Variants in ZNF407 observed in about 807,000 individuals in gnomAD.
The protein encoded by ZNF407 is zinc finger protein 407.
Under a neutral mutation model 131.2 loss-of-function variants are expected in ZNF407, and 17 were observed. The ratio of observed to expected loss-of-function variants is 0.13; its 90% CI spans 0.09 to 0.19. The LOEUF (loss-of-function observed/expected upper bound fraction) is 0.19, where lower values mean the gene tolerates loss of function less well. ZNF407 is among the 10% of genes least tolerant of loss of function. ZNF407 has a pLI of 1.00. For synonymous variants in ZNF407, 1,156 were observed against 1,062.0 expected (o/e 1.09, Z -1.72); for missense variants, 2,681 against 2,830.6 (o/e 0.95, Z 1.20).
intron 3 of ZNF407, among the ~76,000 whole-genome samples, chr18:74,692,862 G>A (rs1967260851): frequency 1.3e-5 from 2 of 152,146 alleles, no homozygotes; most frequent in South Asian, 2.1e-4. Flanking sequence ...TTCGAGTGTG[G>A]TTGCCCTTCT....
chr18:74,602,206 G>A (rs536471395), intron 1 of ZNF407, among the ~76,000 whole-genome samples: 35 of 152,330 alleles, frequency 2.3e-4, no homozygotes, highest in Admixed American at 2.3e-3. Flanking sequence ...TGATGGCGGT[G>A]TAGGAGTGTA....
intron 3 of ZNF407, among the ~76,000 whole-genome samples, chr18:74,663,563 T>C (rs1275966346): frequency 6.6e-6 from 1 of 152,164 alleles, no homozygotes; most frequent in Non-Finnish European, 1.5e-5. Context: ...ATATTACGTG[T>C]GGGGAACTGG....
chr18:74,768,299 C>T (rs999061475), intron 3 of ZNF407, among the ~76,000 whole-genome samples: 1 of 152,120 alleles, frequency 6.6e-6, no homozygotes, highest in African/African-American at 2.4e-5. Context: ...ATTCCTAGAT[C>T]CCTCTTAGAC....
intron 4 of ZNF407, among the ~76,000 whole-genome samples, chr18:74,859,974 A>G (rs1202958949): frequency 6.6e-6 from 1 of 152,176 alleles, no homozygotes; most frequent in African/African-American, 2.4e-5. Flanking sequence ...AAGATATTCA[A>G]TACTCCCTTC....
intron 1 of ZNF407, among the ~76,000 whole-genome samples, chr18:74,601,296 T>A (rs758241790): frequency 6.6e-6 from 1 of 150,564 alleles, no homozygotes; most frequent in Non-Finnish European, 1.5e-5. Flanking sequence ...CCTTGGTTCC[T>A]TCAGTTAGTT....
At chr18:74,846,993 C>CAA (rs34570082) in intron 4 of ZNF407, among the ~76,000 whole-genome samples, 6 of 148,040 alleles carry the variant, frequency 4.1e-5, no homozygotes, top group Admixed American at 1.3e-4. Flanking sequence ...GACTTAGTCT[C>CAA]AAAAAAAAAA....
At chr18:74,910,369 A>G (rs773483764) in intron 7 of ZNF407, among the ~76,000 whole-genome samples, 34 of 152,108 alleles carry the variant, frequency 2.2e-4, no homozygotes, top group Non-Finnish European at 4.0e-4. Flanking sequence ...GCTTGCTTAT[A>G]TTTTATAGAT....
chr18:74,750,955 G>A (rs1409097811), intron 3 of ZNF407, among the ~76,000 whole-genome samples: 1 of 152,024 alleles, frequency 6.6e-6, no homozygotes, highest in Non-Finnish European at 1.5e-5. Flanking sequence ...AACTTTTTAT[G>A]TGCTTTATAT....
intron 4 of ZNF407, among the ~76,000 whole-genome samples, chr18:74,841,248 T>C (rs1409647015): frequency 6.6e-6 from 1 of 152,220 alleles, no homozygotes; most frequent in East Asian, 1.9e-4. Context: ...TTTCGTAGGC[T>C]GAAATGGGCC....
At chr18:74,900,097 A>G (rs982185572) in intron 7 of ZNF407, among the ~76,000 whole-genome samples, 1 of 152,234 alleles carries the variant, frequency 6.6e-6, no homozygotes, top group Non-Finnish European at 1.5e-5. Context: ...TGTCCATTGA[A>G]ACCGTGAGGC....
chr18:74,650,880 A>G (rs563418102), intron 3 of ZNF407, among the ~76,000 whole-genome samples: 18 of 152,308 alleles, frequency 1.2e-4, no homozygotes, highest in African/African-American at 4.3e-4. Flanking sequence ...ATTGAGAACT[A>G]CATTTCCATT....
intron 8 of ZNF407, among the ~76,000 whole-genome samples, chr18:74,934,826 T>C (rs978368706): frequency 1.3e-4 from 20 of 152,172 alleles, no homozygotes; most frequent in African/African-American, 4.6e-4. Flanking sequence ...AAAAATTAAT[T>C]GCTTTTTGTG....
intron 8 of ZNF407, among the ~76,000 whole-genome samples, chr18:74,938,365 G>T (rs1972061618): frequency 1.3e-5 from 2 of 151,940 alleles, no homozygotes; most frequent in South Asian, 4.1e-4. Context: ...GCTGCCTTTG[G>T]GTGAATTTCC....
intron 2 of ZNF407, among the ~76,000 whole-genome samples, chr18:74,640,473 A>G (rs1457212440): frequency 6.6e-6 from 1 of 152,168 alleles, no homozygotes; most frequent in Non-Finnish European, 1.5e-5. Flanking sequence ...TATTAAAAAT[A>G]TAGATAATAA....
intron 8 of ZNF407, among the ~76,000 whole-genome samples, chr18:74,976,425 C>G (rs1438848991): frequency 6.6e-6 from 1 of 152,148 alleles, no homozygotes; most frequent in African/African-American, 2.4e-5. Context: ...CTGTACAGGT[C>G]CAGCCCTGCA....
intron 3 of ZNF407, among the ~76,000 whole-genome samples, chr18:74,696,252 T>C (rs1015003199): frequency 6.6e-6 from 1 of 152,232 alleles, no homozygotes; most frequent in African/African-American, 2.4e-5. Context: ...CTTGTTACTT[T>C]TGGTAGTTTC....
At chr18:74,732,110 C>T (rs906300918) in intron 3 of ZNF407, among the ~76,000 whole-genome samples, 1 of 152,002 alleles carries the variant, frequency 6.6e-6, no homozygotes, top group South Asian at 2.1e-4. Context: ...ATATTTTTTG[C>T]TGTATTTGAA....
intron 4 of ZNF407, among the ~76,000 whole-genome samples, chr18:74,788,466 G>A (rs17055568): frequency 0.14 from 20,767 of 151,778 alleles, 2,546 homozygotes; most frequent in African/African-American, 0.33. Context: ...TTAAAAACAC[G>A]CTTGCTTCTA....
At chr18:74,914,431 CCCCT>C (rs939594083) in intron 7 of ZNF407, among the ~76,000 whole-genome samples, 1 of 152,158 alleles carries the variant, frequency 6.6e-6, no homozygotes, top group African/African-American at 2.4e-5. Context: ...GCTCACCTTT[CCCCT>C]CCGTCACTTC....
Sources: gnomAD v4.1 joint callset for allele counts (sites outside exome capture counted in the v4.1 genomes callset) on GRCh38, gnomAD v4.1.1 for gene constraint, MANE v1.5 for transcripts, NCBI Gene and HGNC (gene_info 2026-07-23, HGNC 2026-07-21) for gene names.